ADARB1: variants seen among roughly 807,000 people sequenced by gnomAD.
ADARB1 encodes adenosine deaminase RNA specific B1.
Under a neutral mutation model 52.4 loss-of-function variants are expected in ADARB1, and 10 were observed. The observed-to-expected ratio is 0.19, with a 90% CI of 0.12 to 0.32. ADARB1 has a LOEUF of 0.32. Among genes scored for constraint, ADARB1 ranks in the 10% least tolerant of loss-of-function variants. ADARB1 has a pLI of 1.00. For synonymous variants in ADARB1, 349 were observed against 371.1 expected, an observed-to-expected ratio of 0.94 and a Z score of 0.68; for missense variants, 643 against 922.3, an observed-to-expected ratio of 0.70 and a Z score of 3.92.
chr21:45,119,873 G>A (rs1264358629), intron 1 of ADARB1, among the ~76,000 whole-genome samples: 4 of 152,228 alleles, frequency 2.6e-5, no homozygotes, highest in African/African-American at 9.6e-5. Context: ...ACATCGAAAT[G>A]ATAAAAGCAA....
intron 1 of ADARB1, among the ~76,000 whole-genome samples, chr21:45,113,078 C>T (rs982050010): frequency 3.1e-4 from 47 of 152,098 alleles, no homozygotes; most frequent in African/African-American, 1.0e-3. Flanking sequence ...CTTGCTTGCA[C>T]GCCTTTCCTA....
intron 1 of ADARB1, among the ~76,000 whole-genome samples, chr21:45,077,448 G>A (rs2085984066): frequency 6.6e-6 from 1 of 152,120 alleles, no homozygotes; most frequent in Non-Finnish European, 1.5e-5. Context: ...GGTAGATCAC[G>A]AGGTCAGGAG....
chr21:45,179,649 C>G (rs915685849), intron 4 of ADARB1, among the ~76,000 whole-genome samples: 9 of 152,190 alleles, frequency 5.9e-5, no homozygotes, highest in African/African-American at 2.2e-4. Flanking sequence ...AAGCGCTTTC[C>G]CTCCCCGTGC....
At chr21:45,110,924 A>G (rs570805013) in intron 1 of ADARB1, among the ~76,000 whole-genome samples, 2 of 152,164 alleles carry the variant, frequency 1.3e-5, no homozygotes, top group African/African-American at 4.8e-5. Flanking sequence ...TCCCTTTCCC[A>G]TTCTCTGCTC....
chr21:45,112,941 G>T (rs2087610945), intron 1 of ADARB1, among the ~76,000 whole-genome samples: 1 of 152,132 alleles, frequency 6.6e-6, no homozygotes, highest in Non-Finnish European at 1.5e-5. Flanking sequence ...CCTAAGGGGT[G>T]CTGGGGCCAT....
chr21:45,198,379 G>A (rs530984589), intron 8 of ADARB1, among the ~76,000 whole-genome samples: 2 of 152,286 alleles, frequency 1.3e-5, no homozygotes, highest in East Asian at 3.9e-4. Context: ...AGACACTTCA[G>A]CACTGATAGG....
chr21:45,222,747 T>C lies in ADARB1; in HGVS notation c.*550T>C, dbSNP rs2092987850. 2 of 985,852 alleles carry C rather than the reference T, an allele frequency of 2.0e-6. No homozygotes were observed. The highest frequency in any genetic ancestry group is 2.4e-6 in the Non-Finnish European group (2 of 830,376). The allele number at this position is 985,852 out of a possible 1,614,324, so 61.1% of individuals were successfully genotyped here. On this transcript the variant is annotated 3_prime_UTR_variant, in exon 11 of 11. Transcript: ENST00000348831. ...CCACACGTCTGTCTAAACTTAGGTCTCTTTTCTCCGTAGGTACCTCCCTGG... is the reference window on the plus strand; with the variant it reads ...CCACACGTCTGTCTAAACTTAGGTCCCTTTTCTCCGTAGGTACCTCCCTGG...
intron 1 of ADARB1, among the ~76,000 whole-genome samples, chr21:45,126,227 G>T (rs990725834): frequency 2.0e-5 from 3 of 152,280 alleles, no homozygotes; most frequent in Non-Finnish European, 4.4e-5. Context: ...TTTCTTTACG[G>T]CTGGGATATG....
intron 1 of ADARB1, among the ~76,000 whole-genome samples, chr21:45,113,698 T>C (rs2087673062): frequency 6.6e-6 from 1 of 152,110 alleles, no homozygotes; most frequent in African/African-American, 2.4e-5. Flanking sequence ...TGAGCAGCCC[T>C]GCCCAGAGGA....
intron 6 of ADARB1, among the ~76,000 whole-genome samples, chr21:45,182,959 T>G (rs73232668): frequency 0.047 from 7,206 of 152,248 alleles, 219 homozygotes; most frequent in Non-Finnish European, 0.068. Flanking sequence ...CATAACATGG[T>G]CATAAATTTC....
chr21:45,117,387 G>A (rs1387096892), intron 1 of ADARB1, among the ~76,000 whole-genome samples: 1 of 152,190 alleles, frequency 6.6e-6, no homozygotes, highest in Admixed American at 6.5e-5. Flanking sequence ...GTTTGTGTCA[G>A]CACTGGATTC....
At chr21:45,149,085 C>T (rs2090151859) in intron 2 of ADARB1, among the ~76,000 whole-genome samples, 1 of 152,338 alleles carries the variant, frequency 6.6e-6, no homozygotes, top group African/African-American at 2.4e-5. Flanking sequence ...ACAACCCTGA[C>T]ACCCGCATGT....
chr21:45,165,780 G>A lies in ADARB1; in HGVS notation c.-47-5830G>A, dbSNP rs1281754019. On this transcript the variant is annotated intron_variant, in intron 2 of 10. Transcript: ENST00000348831. ...ATCTAGCTTTGGAATGCTGCTTGAT[G>A]TATAGTAAAGAATGAACACGAATAA... Among the ~76,000 whole-genome samples, 5 of 150,698 alleles carry A rather than the reference G, an allele frequency of 3.3e-5. No individual in the cohort carries two copies. In the Middle Eastern group the frequency reaches 0.011, roughly 321 times the overall value.
chr21:45,204,914 CTTT>C lies in ADARB1; in HGVS notation c.1747+180_1747+182del, dbSNP rs2092636937. Among the ~76,000 whole-genome samples the C allele has an allele frequency of 6.6e-6, 1 of 152,140 alleles. No homozygotes were observed. The highest frequency in any genetic ancestry group is 6.6e-5 in the Admixed American group (1 of 15,266). On this transcript the variant is annotated intron_variant, in intron 9 of 10. Coordinates refer to ENST00000348831, the MANE Select transcript of ADARB1 (RefSeq NM_001112.4). This position sits in a 1 kb window ranked among gnomAD's most constrained non-coding sequence, Gnocchi z 4.4. ...GCTCTCCGGGCCTTGTCTCTAGGGC[CTTT>C]TAAGTGAGTCTCTCTGTAAGATTAA...
intron 1 of ADARB1, among the ~76,000 whole-genome samples, chr21:45,110,499 C>T (rs905904189): frequency 1.6e-4 from 24 of 152,200 alleles, no homozygotes; most frequent in African/African-American, 5.8e-4. Flanking sequence ...TTTTCACTTA[C>T]CTTTTTCTGC....
At chr21:45,158,894 C>T (rs1399376384) in intron 2 of ADARB1, among the ~76,000 whole-genome samples, 3 of 152,110 alleles carry the variant, frequency 2.0e-5, no homozygotes, top group African/African-American at 7.2e-5. Flanking sequence ...TGGAGTGTGA[C>T]TCAGTCTCCC....
At chr21:45,116,148 G>A (rs1326966202) in intron 1 of ADARB1, among the ~76,000 whole-genome samples, 4 of 152,202 alleles carry the variant, frequency 2.6e-5, no homozygotes, top group Non-Finnish European at 1.5e-5. Flanking sequence ...TCCCCAGGGC[G>A]AAATTCCTCA....
chr21:45,180,165 G>A (rs1290704759), intron 4 of ADARB1, among the ~76,000 whole-genome samples, 165 bp from the exon 5 acceptor site: 1 of 152,238 alleles, frequency 6.6e-6, no homozygotes, highest in Non-Finnish European at 1.5e-5. Context: ...GAATGTTCTG[G>A]AAGAAACATA....
intron 5 of ADARB1, among the ~76,000 whole-genome samples, 179 bp from the exon 6 acceptor site, chr21:45,182,406 G>A (rs112450668): frequency 5.9e-5 from 9 of 152,304 alleles, no homozygotes; most frequent in Admixed American, 2.6e-4. Context: ...GGTTGTTTGC[G>A]TGTATACATT....
Sources: gnomAD v4.1 joint callset for allele counts (sites outside exome capture counted in the v4.1 genomes callset) on GRCh38, gnomAD v4.1.1 for gene constraint, Gnocchi (gnomAD v3.1) non-coding constraint, MANE v1.5 for transcripts, NCBI Gene and HGNC (gene_info 2026-07-23, HGNC 2026-07-21) for gene names.